The following PHLDB2 variants were observed in gnomAD, a reference collection of about 807,000 sequenced individuals.
PHLDB2 encodes pleckstrin homology like domain family B member 2, also known as pleckstrin homology-like domain family B member 2.
In PHLDB2, 71 loss-of-function variants were observed where a neutral mutation model predicts 123.6. That is an observed-to-expected ratio of 0.57 (90% confidence interval 0.47 to 0.70). The LOEUF is 0.70. Among genes scored for constraint, PHLDB2 ranks in the 30% least tolerant of loss-of-function variants. The pLI is 0.00. For missense variants in PHLDB2, 1,446 were observed against 1,519.5 expected (o/e 0.95, Z 0.80); for synonymous variants, 547 against 541.6 (o/e 1.01, Z -0.14).
At chr3:111,967,640 T>A in intron 14 of PHLDB2, 38 bp from the exon 15 acceptor site, 1 of 1,565,794 alleles carries the variant, frequency 6.4e-7, no homozygotes, top group Non-Finnish European at 8.6e-7. Flanking sequence ...GTATAACCAG[T>A]ATGTTTTAAA....
intron 2 of PHLDB2, among the ~76,000 whole-genome samples, chr3:111,902,311 G>T (rs1399179474): frequency 6.6e-6 from 1 of 152,180 alleles, no homozygotes; most frequent in South Asian, 2.1e-4. Context: ...ATCAAAATAG[G>T]CTGGGCATGG....
chr3:111,837,897 G>T (rs1056270992), intron 1 of PHLDB2, among the ~76,000 whole-genome samples: 3 of 149,276 alleles, frequency 2.0e-5, no homozygotes, highest in Non-Finnish European at 4.5e-5. Flanking sequence ...ACAAAAATTA[G>T]CCAGGCATAG....
chr3:111,956,611 C>T (rs2071077495), intron 12 of PHLDB2, among the ~76,000 whole-genome samples: 1 of 152,154 alleles, frequency 6.6e-6, no homozygotes, highest in African/African-American at 2.4e-5. Flanking sequence ...GATGGGGCAG[C>T]TTCTGAGGAA....
At chr3:111,859,740 G>T (rs1029362331) in intron 1 of PHLDB2, 164 bp downstream of exon 1, 2 of 985,358 alleles carry the variant, frequency 2.0e-6, no homozygotes, top group Admixed American at 6.1e-5. Context: ...CCGGGCCGAG[G>T]AGGGGCGCGC....
intron 1 of PHLDB2, among the ~76,000 whole-genome samples, chr3:111,764,224 T>A (rs1474959864): frequency 6.6e-6 from 1 of 152,198 alleles, no homozygotes; most frequent in African/African-American, 2.4e-5. Context: ...TTCTCAACTG[T>A]TGGTCAGCAG....
At chr3:111,886,150 A>G (rs944510429) in intron 2 of PHLDB2, among the ~76,000 whole-genome samples, 1 of 152,242 alleles carries the variant, frequency 6.6e-6, no homozygotes, top group Non-Finnish European at 1.5e-5. Flanking sequence ...CTTAGAATGA[A>G]TATCTGTGAG....
At chr3:111,966,794 C>T (rs112327908) in intron 14 of PHLDB2, 91 bp downstream of exon 14, 27 of 903,486 alleles carry the variant, frequency 3.0e-5, no homozygotes, top group African/African-American at 1.4e-4. Flanking sequence ...CTTAAGGAGC[C>T]GTGTGTTCCT....
At chr3:111,852,777 C>CACAT (rs2064317438) in intron 2 of PHLDB2, among the ~76,000 whole-genome samples, 1 of 112,996 alleles carries the variant, frequency 8.8e-6, no homozygotes, top group Non-Finnish European at 2.0e-5. Context: ...CACACACACA[C>CACAT]ACACATACAC....
At chr3:111,901,367 A>G (rs1198360700) in intron 2 of PHLDB2, among the ~76,000 whole-genome samples, 2 of 151,922 alleles carry the variant, frequency 1.3e-5, no homozygotes, top group Non-Finnish European at 2.9e-5. Flanking sequence ...CTCAAAAAAA[A>G]AAAAAAAATT....
intron 1 of PHLDB2, among the ~76,000 whole-genome samples, chr3:111,789,711 T>C (rs2108179189): frequency 6.6e-6 from 1 of 152,340 alleles, no homozygotes; most frequent in South Asian, 2.1e-4. Flanking sequence ...ATATATTATG[T>C]GCTTAGTTCA....
chr3:111,792,568 G>A (rs2060975042), intron 1 of PHLDB2, among the ~76,000 whole-genome samples: 1 of 152,086 alleles, frequency 6.6e-6, no homozygotes, highest in Non-Finnish European at 1.5e-5. Context: ...TTCGCCAAGT[G>A]TAGTGGCACA....
chr3:111,777,340 A>T (rs2060284424), intron 1 of PHLDB2, among the ~76,000 whole-genome samples: 1 of 152,172 alleles, frequency 6.6e-6, no homozygotes, highest in African/African-American at 2.4e-5. Context: ...AATAAGGATT[A>T]TGCTTCTTTC....
intron 8 of PHLDB2, among the ~76,000 whole-genome samples, chr3:111,941,813 A>G (rs548254517): frequency 8.4e-6 from 1 of 118,532 alleles, no homozygotes; most frequent in Non-Finnish European, 1.9e-5. Context: ...TCTCAAAAAA[A>G]CAAAACAAAA....
chr3:111,796,770 C>G (rs962461224), intron 1 of PHLDB2, among the ~76,000 whole-genome samples: 4 of 152,214 alleles, frequency 2.6e-5, no homozygotes, highest in East Asian at 1.9e-4. Flanking sequence ...GCCTTGACCC[C>G]GCAAAGGGCT....
chr3:111,881,280 T>C (rs2065912652), intron 1 of PHLDB2, among the ~76,000 whole-genome samples: 1 of 152,210 alleles, frequency 6.6e-6, no homozygotes, highest in Admixed American at 6.5e-5. Flanking sequence ...ATTCAATTTT[T>C]TCTTGCAATG....
In PHLDB2 at chr3:111,919,237, C is replaced by CT. The variant is rs770997540; in HGVS notation, c.1863+28dup. The CT allele has an allele frequency of 3.7e-6, 6 of 1,610,948 alleles. No homozygotes were observed. The East Asian group carries it at 1.3e-4, about 36-fold the overall frequency. ...AGAGGTAAACTTTTTACCCTCTTCC[C>CT]TTTTTTCTTTCTTTCCTTCAGCTTA... On this transcript the variant is annotated intron_variant, in intron 4 of 17. Transcript: ENST00000431670.
Position 111,964,386 on chromosome 3 carries a change from C to G in PHLDB2, c.3077+2074C>G, listed in dbSNP as rs978820015. On this transcript the variant is annotated intron_variant, in intron 13 of 17. Transcript: ENST00000431670. ...ACAGAGTCTCACTGTGTTGCCCAGG[C>G]TGGTGTGCAATGGTGCAATTTCAGC... 3.9e-5 allele frequency among the ~76,000 whole-genome samples: 6 copies of G among 152,220 alleles called. No homozygotes were observed. The South Asian group carries it at 8.3e-4, about 21-fold the overall frequency.
At chr3:111,883,320 G>A (rs1181907531) in intron 1 of PHLDB2, among the ~76,000 whole-genome samples, 2 of 152,314 alleles carry the variant, frequency 1.3e-5, no homozygotes, top group Non-Finnish European at 2.9e-5. Context: ...ACTAGGTCCT[G>A]ATAGTTGTTT....
intron 1 of PHLDB2, among the ~76,000 whole-genome samples, chr3:111,837,228 A>T (rs1559860165): frequency 6.6e-6 from 1 of 152,180 alleles, no homozygotes; most frequent in Non-Finnish European, 1.5e-5. Flanking sequence ...ATCGGTTTTT[A>T]AAAAATATCT....
Sources: allele counts gnomAD v4.1 joint callset (sites outside exome capture counted in the v4.1 genomes callset), GRCh38; gene constraint gnomAD v4.1.1; transcripts MANE v1.5; gene names NCBI Gene and HGNC (gene_info 2026-07-23, HGNC 2026-07-21).